The following MYO16 variants were observed in gnomAD, a reference collection of about 807,000 sequenced individuals.
The protein encoded by MYO16 is unconventional myosin-XVI.
Under a neutral mutation model 205.3 loss-of-function variants are expected in MYO16, and 94 were observed. The ratio of observed to expected loss-of-function variants is 0.46; its 90% CI spans 0.39 to 0.54. The LOEUF is 0.54. Ranked by LOEUF, MYO16 falls within the 20% of genes least tolerant of loss-of-function variation. The pLI, the probability that MYO16 is intolerant of heterozygous loss-of-function variation, is 0.00. For synonymous variants in MYO16, 988 were observed against 954.0 expected, an observed-to-expected ratio of 1.04 and a Z score of -0.66; for missense variants, 2,315 against 2,387.5, an observed-to-expected ratio of 0.97 and a Z score of 0.63.
rs748872746 is a variant in MYO16, at chr13:108,823,237, T to C, written c.1056T>C (p.Tyr352=). ...SASTLAQEEP[Y]EEIIHDLPVL... ...CTACCTTAGCTCAAGAAGAGCCCTA[T>C]GAAGAGATCATTCACGATCTTCCCG... Residue 352 remains tyrosine, a synonymous_variant, in exon 9 of 35, where the codon TAT becomes TAC. Coordinates refer to ENST00000457511, the MANE Select transcript of MYO16 (RefSeq NM_001198950.3). 1.9e-6 allele frequency: 3 copies of C among 1,612,916 alleles called. No individual in the cohort carries two copies.
chr13:108,966,532 G>A (rs1883798619), intron 20 of MYO16, among the ~76,000 whole-genome samples: 1 of 152,164 alleles, frequency 6.6e-6, no homozygotes, highest in Admixed American at 6.5e-5. Context: ...GTCTTTGCAT[G>A]GGAATATTGC....
At chr13:108,614,542 T>G (rs1879283472) in intron 1 of MYO16, among the ~76,000 whole-genome samples, 1 of 152,012 alleles carries the variant, frequency 6.6e-6, no homozygotes, top group South Asian at 2.1e-4. Flanking sequence ...AAAACAAAAT[T>G]ATAAGACTGA....
At chr13:108,862,454 G>C (rs1416269301) in intron 11 of MYO16, among the ~76,000 whole-genome samples, 7 of 152,118 alleles carry the variant, frequency 4.6e-5, no homozygotes, top group Non-Finnish European at 8.8e-5. Flanking sequence ...TTTCACAATT[G>C]TGAAGGAGGA....
intron 31 of MYO16, among the ~76,000 whole-genome samples, chr13:109,136,594 G>A (rs1876788816): frequency 6.6e-6 from 1 of 152,172 alleles, no homozygotes; most frequent in African/African-American, 2.4e-5. Context: ...AATCTCCTTA[G>A]CTATGTCACC....
At chr13:108,630,046 T>C (rs1428105324) in intron 1 of MYO16, among the ~76,000 whole-genome samples, 174 bp downstream of exon 1, 1 of 151,998 alleles carries the variant, frequency 6.6e-6, no homozygotes, top group African/African-American at 2.4e-5. Flanking sequence ...TAATTTTAGA[T>C]TGTGAAATAA....
In MYO16 at chr13:109,155,926, G is replaced by T. The variant is rs114372964; in HGVS notation, c.5165-8975G>T. 4.2e-3 allele frequency among the ~76,000 whole-genome samples: 633 copies of T among 152,098 alleles called. 6 individuals carry two copies. Among genetic ancestry groups the T allele is most frequent in the African/African-American group, 0.014 (592 of 41,484 alleles). ...TGAGAGGCAATAACACAAATATTTG[G>T]ATTATGCTATCATGGAAAGGAAAGA... On this transcript the variant is annotated intron_variant, in intron 32 of 34. Coordinates refer to ENST00000457511, the MANE Select transcript of MYO16 (RefSeq NM_001198950.3).
intron 6 of MYO16, 101 bp from the exon 7 acceptor site, chr13:108,806,578 G>T: frequency 1.0e-6 from 1 of 968,160 alleles, no homozygotes; most frequent in Non-Finnish European, 1.5e-6. Flanking sequence ...CTGTATTTTA[G>T]ATCCACCATT....
At chr13:108,840,950 G>A (rs970050986) in intron 9 of MYO16, among the ~76,000 whole-genome samples, 7 of 152,288 alleles carry the variant, frequency 4.6e-5, no homozygotes, top group African/African-American at 9.6e-5. Context: ...AGTTGAGATT[G>A]TCAGTATTTC....
At chr13:108,810,153 C>T (rs1041929019) in intron 7 of MYO16, among the ~76,000 whole-genome samples, 1 of 152,180 alleles carries the variant, frequency 6.6e-6, no homozygotes, top group Admixed American at 6.5e-5. Context: ...CTCTGCTTCG[C>T]TAGACTTGCC....
chr13:108,752,878 G>T (rs113545538), intron 4 of MYO16, among the ~76,000 whole-genome samples: 5,319 of 140,386 alleles, frequency 0.038, 315 homozygotes, highest in African/African-American at 0.13. Context: ...TGTTGGTCAG[G>T]CTGGTCTCGA....
chr13:109,136,925 G>T (rs1876802886), intron 31 of MYO16, among the ~76,000 whole-genome samples: 1 of 152,186 alleles, frequency 6.6e-6, no homozygotes, highest in Non-Finnish European at 1.5e-5. Context: ...CAACTTAGTA[G>T]CTTAAGACAC....
chr13:109,064,825 A>C (rs1189438645), intron 27 of MYO16, among the ~76,000 whole-genome samples: 2 of 152,186 alleles, frequency 1.3e-5, no homozygotes, highest in East Asian at 3.9e-4. Flanking sequence ...TGCCCTCCTC[A>C]TAGGGATGTA....
At chr13:108,808,829 C>T (rs1450061240) in intron 7 of MYO16, among the ~76,000 whole-genome samples, 3 of 152,112 alleles carry the variant, frequency 2.0e-5, no homozygotes, top group Non-Finnish European at 4.4e-5. Context: ...ATATGCCACA[C>T]ATGATACATG....
intron 10 of MYO16, among the ~76,000 whole-genome samples, chr13:108,854,160 A>G (rs767061252): frequency 2.4e-4 from 36 of 151,542 alleles, no homozygotes; most frequent in Non-Finnish European, 4.3e-4. Flanking sequence ...TGCCCGGCTA[A>G]TTTTTTTTGT....
rs59465499 is a variant in MYO16 at position 109,154,911 on chromosome 13, GAAAAAAAA to G, written c.5165-9971_5165-9964del. On this transcript the variant is annotated intron_variant, in intron 32 of 34. Transcript: ENST00000457511. ...AGGTATTGCATACTCGGCTAATTAT[GAAAAAAAA>G]AAAAAAAAAAAAAAAAAAGCTACCC... 4.5e-4 allele frequency among the ~76,000 whole-genome samples: 28 copies of G among 62,686 alleles called. No individual in the cohort carries two copies. In the South Asian group the frequency reaches 6.1e-3, roughly 14 times the overall value. 41.1% of individuals were successfully genotyped at this position (62,686 alleles called of 152,430 possible).
intron 9 of MYO16, among the ~76,000 whole-genome samples, chr13:108,835,179 G>T (rs528602091): frequency 2.0e-5 from 3 of 151,838 alleles, no homozygotes; most frequent in Non-Finnish European, 4.4e-5. Flanking sequence ...CATAATCCCC[G>T]CATTCCCTGG....
chr13:108,667,784 A>G (rs190031351), intron 2 of MYO16, among the ~76,000 whole-genome samples: 1 of 152,282 alleles, frequency 6.6e-6, no homozygotes, highest in Admixed American at 6.5e-5. Flanking sequence ...GGTGGCTCAT[A>G]CCTATAATCC....
chr13:109,123,561 T>G (rs1946138350), intron 29 of MYO16, among the ~76,000 whole-genome samples: 1 of 152,174 alleles, frequency 6.6e-6, no homozygotes, highest in Admixed American at 6.5e-5. Context: ...ACTCCACATT[T>G]TATATTCCTG....
In MYO16 at chr13:109,055,643, C is replaced by T; in HGVS notation, c.3335+48C>T. 2.0e-6 allele frequency: 3 copies of T among 1,473,764 alleles called. No homozygotes were observed. The highest frequency in any genetic ancestry group is 2.8e-6 in the Non-Finnish European group (3 of 1,064,616). 91.3% of individuals were successfully genotyped at this position (1,473,764 alleles called of 1,614,324 possible). ...TCGTCGTTCTCGCTGCTGTTCAGTGCAGTGTACTGACACTGACACTATTGT... is the reference window on the plus strand; with the variant it reads ...TCGTCGTTCTCGCTGCTGTTCAGTGTAGTGTACTGACACTGACACTATTGT... On this transcript the variant is annotated intron_variant, in intron 27 of 34. Transcript: ENST00000457511. This position sits in a 1 kb window ranked among gnomAD's most constrained non-coding sequence, Gnocchi z 5.0.
Sources: gnomAD v4.1 joint callset for allele counts (sites outside exome capture counted in the v4.1 genomes callset) on GRCh38, gnomAD v4.1.1 for gene constraint, Gnocchi (gnomAD v3.1) non-coding constraint, MANE v1.5 for transcripts, NCBI Gene and HGNC (gene_info 2026-07-23, HGNC 2026-07-21) for gene names.